ZNF528: variants seen among roughly 807,000 people sequenced by gnomAD.
The protein encoded by ZNF528 is zinc finger protein 528.
In ZNF528, 9 loss-of-function variants were observed where a neutral mutation model predicts 13.3. The observed-to-expected ratio is 0.67, with a 90% CI of 0.41 to 1.18. The LOEUF (loss-of-function observed/expected upper bound fraction) is 1.18, where lower values mean the gene tolerates loss of function less well. ZNF528 is among the 50% of genes most tolerant of loss of function. The probability of loss-of-function intolerance (pLI) is 0.01; values close to 1 mark genes in which losing one functional copy is unlikely to be tolerated. For synonymous variants in ZNF528, 264 were observed against 254.3 expected, an observed-to-expected ratio of 1.04 and a Z score of -0.36; for missense variants, 858 against 745.4, an observed-to-expected ratio of 1.15 and a Z score of -1.76.
In ZNF528 at chr19:52,401,569, T is replaced by C. The variant is rs707304; in HGVS notation, c.-136-116T>C. On this transcript the variant is annotated intron_variant, in intron 2 of 6. Transcript: ENST00000360465. ...CCTCTACTGCAACTACACAGCCCCC[T>C]TTCCTTTTCTGAGAGCGTTTTGTAT... 503 of 897,568 alleles carry C rather than the reference T, an allele frequency of 5.6e-4. 5 individuals carry two copies. In the African/African-American group the frequency reaches 8.4e-3, roughly 15 times the overall value. The allele number at this position is 897,568 out of a possible 1,614,324, so 55.6% of individuals were successfully genotyped here.
intron 6 of ZNF528, chr19:52,413,439 G>C (rs1238277320): frequency 1.3e-5 from 2 of 152,170 alleles, no homozygotes; most frequent in Non-Finnish European, 2.9e-5. Context: ...AAGTGAATGG[G>C]CTCTGTACTC....
chr19:52,404,047 A>G (rs1414734421), intron 4 of ZNF528, among the ~76,000 whole-genome samples: 1 of 151,802 alleles, frequency 6.6e-6, no homozygotes, highest in Non-Finnish European at 1.5e-5. Context: ...GTAATTGTCA[A>G]TTTTCTTTTG....
chr19:52,411,496 A>G (rs2058930616), intron 6 of ZNF528: 1 of 152,182 alleles, frequency 6.6e-6, no homozygotes, highest in Non-Finnish European at 1.5e-5. Flanking sequence ...GGAATAACAA[A>G]TACCAGTGAA....
In ZNF528 at chr19:52,414,146, C is replaced by A; in HGVS notation, c.272-978C>A. The A allele has an allele frequency of 4.3e-6, 3 of 699,462 alleles. No homozygotes were observed. In the South Asian group the frequency reaches 4.5e-5, roughly 10 times the overall value. 43.3% of individuals were successfully genotyped at this position (699,462 alleles called of 1,614,324 possible). On this transcript the variant is annotated intron_variant, in intron 6 of 6. Transcript: ENST00000360465. ...CCCAGTACCTCTTCAGGGCACTGAC[C>A]TTATATCCGCTGCCAGCCGACTCAT...
At chr19:52,405,185 C>A (rs2058840137) in intron 4 of ZNF528, among the ~76,000 whole-genome samples, 1 of 150,778 alleles carries the variant, frequency 6.6e-6, no homozygotes, top group African/African-American at 2.4e-5. Flanking sequence ...CCATTGCACT[C>A]CAGCCTGGGC....
Position 52,415,618 on chromosome 19 carries a change from C to T in ZNF528, c.766C>T (p.Leu256Phe). 6.2e-7 allele frequency: 1 copy of T among 1,614,112 alleles called. No homozygotes were observed. The highest frequency in any genetic ancestry group is 1.1e-5 in the South Asian group (1 of 91,084). ...CGKLFSSNSN[L>F]SQHQRIHTGE... ...CAAGCTCTTCAGTAGCAATTCAAAC[C>T]TTTCACAACATCAAAGAATTCATAC... The change falls in exon 7 of 7, where the codon CTT becomes TTT. Residue 256 changes from leucine to phenylalanine, a missense_variant. By Grantham distance (22) the Leu-to-Phe change is conservative. Coordinates refer to ENST00000360465, the MANE Select transcript of ZNF528 (RefSeq NM_032423.3).
At chr19:52,399,590 CAG>C (rs2058767712) in intron 2 of ZNF528, among the ~76,000 whole-genome samples, 1 of 152,100 alleles carries the variant, frequency 6.6e-6, no homozygotes, top group Non-Finnish European at 1.5e-5. Context: ...GGTTAGGTGA[CAG>C]AGCAAGACTC....
chr19:52,407,829 C>A (rs1290605852), intron 6 of ZNF528, among the ~76,000 whole-genome samples: 2 of 152,076 alleles, frequency 1.3e-5, no homozygotes, highest in Non-Finnish European at 2.9e-5. Context: ...TTACATGCCT[C>A]TGCCTCTGGA....
Position 52,416,038 on chromosome 19 carries a change from C to T in ZNF528, c.1186C>T (p.Leu396=). 6.2e-7 allele frequency: 1 copy of T among 1,614,080 alleles called. No homozygotes were observed. The highest frequency in any genetic ancestry group is 8.5e-7 in the Non-Finnish European group (1 of 1,180,032). The change falls in exon 7 of 7, where the codon CTG becomes TTG. Residue 396 remains leucine (L), a synonymous_variant. Coordinates refer to ENST00000360465, the MANE Select transcript of ZNF528 (RefSeq NM_032423.3). ...CAAGGTCTTTGGGCGCAAGTGTTTC[C>T]TGACCTCTCATCAGAGAATTCATAC... ...CDKVFGRKCF[L]TSHQRIHTRE... is the part of the protein sequence containing the mutation.
chr19:52,402,077 A>G (rs770136512), intron 4 of ZNF528, 49 bp downstream of exon 4: 2 of 1,613,852 alleles, frequency 1.2e-6, no homozygotes, highest in Non-Finnish European at 1.7e-6. Flanking sequence ...TCTTCCTGAA[A>G]TGCCAGGCAT....
chr19:52,402,122 C>T, intron 4 of ZNF528, 94 bp downstream of exon 4: 1 of 1,576,348 alleles, frequency 6.3e-7, no homozygotes, highest in East Asian at 2.3e-5. Flanking sequence ...AAGCATCCTG[C>T]CTGACACGTT....
chr19:52,404,596 T>G (rs1393918105), intron 4 of ZNF528, among the ~76,000 whole-genome samples: 1 of 151,176 alleles, frequency 6.6e-6, no homozygotes, highest in African/African-American at 2.4e-5. Context: ...ATTTTTTATT[T>G]TATTTGTTTT....
chr19:52,409,090 C>A (rs927327753), intron 6 of ZNF528, among the ~76,000 whole-genome samples: 6 of 152,052 alleles, frequency 3.9e-5, no homozygotes, highest in African/African-American at 1.4e-4. Flanking sequence ...TCTTTAAGCA[C>A]TTTCAATATA....
At chr19:52,412,367 G>A (rs1412311111) in intron 6 of ZNF528, 2 of 152,188 alleles carry the variant, frequency 1.3e-5, no homozygotes, top group South Asian at 2.1e-4. Flanking sequence ...CCTAAAATTA[G>A]TTCCATGTAT....
chr19:52,416,890 C>T lies in ZNF528; in HGVS notation c.*151C>T. 1 of 737,880 alleles carries T rather than the reference C, an allele frequency of 1.4e-6. No homozygotes were observed. The highest frequency in any genetic ancestry group is 2.2e-6 in the Non-Finnish European group (1 of 461,300). The allele number at this position is 737,880 out of a possible 1,614,324, so 45.7% of individuals were successfully genotyped here. ...GCCAAATCACTGGACATCACCACAT[C>T]ACTGTGGAGGATGAAAGCACACAGA... On this transcript the variant is annotated 3_prime_UTR_variant, in exon 7 of 7. Coordinates refer to ENST00000360465, the MANE Select transcript of ZNF528 (RefSeq NM_032423.3).
chr19:52,398,168 C>A (rs575797537), intron 1 of ZNF528, 199 bp from the exon 2 acceptor site: 2 of 152,336 alleles, frequency 1.3e-5, no homozygotes, highest in African/African-American at 4.8e-5. Flanking sequence ...CCTTTAGTAA[C>A]CCCTACACAC....
At chr19:52,398,343 T>G (rs2058754173) in intron 1 of ZNF528, 24 bp from the exon 2 acceptor site, 1 of 153,242 alleles carries the variant, frequency 6.5e-6, no homozygotes, top group Non-Finnish European at 1.4e-5. Flanking sequence ...TTTTGCTCCT[T>G]AATCTGGACC....
In ZNF528 at chr19:52,398,581, GAAGA is replaced by G; in HGVS notation, c.-173_-170del. On this transcript the variant is annotated 5_prime_UTR_variant, in exon 2 of 7. In the 5' UTR this introduces an upstream ATG that the reference lacks. Transcript: ENST00000360465. ...AATAGAGAAATTTTGAAAGAGAAATGAAGAATGAGAGACCCATTAACAGAAGGCA... is the reference window on the plus strand; with the variant it reads ...AATAGAGAAATTTTGAAAGAGAAATGATGAGAGACCCATTAACAGAAGGCA... The G allele has an allele frequency of 1.0e-6, 1 of 985,446 alleles. No individual in the cohort carries two copies. The highest frequency in any genetic ancestry group is 1.2e-6 in the Non-Finnish European group (1 of 829,954). 61.0% of individuals were successfully genotyped at this position (985,446 alleles called of 1,614,324 possible).
intron 6 of ZNF528, among the ~76,000 whole-genome samples, chr19:52,408,067 G>A (rs932627856): frequency 3.3e-5 from 5 of 152,012 alleles, no homozygotes; most frequent in African/African-American, 2.4e-5. Flanking sequence ...GGTACACAAA[G>A]CTCTGCTTAA....
Sources: gnomAD v4.1 joint callset for allele counts (sites outside exome capture counted in the v4.1 genomes callset) on GRCh38, gnomAD v4.1.1 for gene constraint, MANE v1.5 for transcripts, NCBI Gene and HGNC (gene_info 2026-07-23, HGNC 2026-07-21) for gene names.